The following ANO10 variants were observed in gnomAD, a reference collection of about 807,000 sequenced individuals.
ANO10 encodes anoctamin 10, also known as anoctamin-10.
In ANO10, 77 loss-of-function variants were observed where a neutral mutation model predicts 74.7. That is an observed-to-expected ratio of 1.03 (90% CI 0.86 to 1.25). The LOEUF is 1.25. Among genes scored for constraint, ANO10 ranks in the 50% most tolerant of loss-of-function variants. The pLI is 0.00. For missense variants in ANO10, 721 were observed against 778.1 expected, an observed-to-expected ratio of 0.93 and a Z score of 0.87; for synonymous variants, 279 against 284.9, an observed-to-expected ratio of 0.98 and a Z score of 0.21.
rs193240161 is a variant in ANO10 at position 43,371,609 on chromosome 3, C to T, written c.1915-4635G>A. 2.0e-5 allele frequency among the ~76,000 whole-genome samples: 3 copies of T among 152,278 alleles called. No homozygotes were observed. The South Asian group carries it at 6.2e-4, about 32-fold the overall frequency. On this transcript the variant is annotated intron_variant, in intron 12 of 12. Transcript: ENST00000292246. ...CAAGTCTCCCTGAGAAGGGGAATGG[C>T]GGGGAAGAAGGGAGGATCAACTTCG...
At chr3:43,541,620 A>T (rs991849315) in intron 11 of ANO10, among the ~76,000 whole-genome samples, 4 of 152,094 alleles carry the variant, frequency 2.6e-5, no homozygotes, top group Admixed American at 6.5e-5. Context: ...TACACTGAAT[A>T]AAAAAACTAT....
chr3:43,565,545 T>G, intron 8 of ANO10, 108 bp downstream of exon 8: 1 of 948,852 alleles, frequency 1.1e-6, no homozygotes, highest in South Asian at 1.6e-5. Context: ...ATACAAAATT[T>G]AAAAGATTTT....
At chr3:43,486,988 AATTT>A (rs1290560198) in intron 11 of ANO10, among the ~76,000 whole-genome samples, 1 of 129,386 alleles carries the variant, frequency 7.7e-6, no homozygotes, top group East Asian at 2.3e-4. Flanking sequence ...ATCAATACCT[AATTT>A]ATTGAGAGTT....
chr3:43,382,449 G>A (rs2091990992), intron 12 of ANO10, among the ~76,000 whole-genome samples: 2 of 151,402 alleles, frequency 1.3e-5, no homozygotes, highest in African/African-American at 2.4e-5. Flanking sequence ...AACCCGGGAG[G>A]CGGAGCTTGC....
chr3:43,630,308 T>C (rs2083533307), intron 1 of ANO10, among the ~76,000 whole-genome samples: 1 of 152,176 alleles, frequency 6.6e-6, no homozygotes, highest in Admixed American at 6.5e-5. Flanking sequence ...AATAAAGATA[T>C]TGAAACTGGA....
chr3:43,462,177 A>G (rs2075408060), intron 11 of ANO10, among the ~76,000 whole-genome samples: 1 of 152,198 alleles, frequency 6.6e-6, no homozygotes, highest in Admixed American at 6.5e-5. Flanking sequence ...GAAATTTCTA[A>G]GCAGCAAAGC....
chr3:43,520,931 GTTC>G (rs1340506640), intron 11 of ANO10, among the ~76,000 whole-genome samples: 3 of 151,928 alleles, frequency 2.0e-5, no homozygotes, highest in African/African-American at 4.8e-5. Context: ...ATGGAATTGT[GTTC>G]TTAATTTCAT....
intron 11 of ANO10, among the ~76,000 whole-genome samples, chr3:43,533,989 C>T (rs1305685766): frequency 6.6e-6 from 1 of 152,164 alleles, no homozygotes; most frequent in Non-Finnish European, 1.5e-5. Flanking sequence ...TTTATCTGCA[C>T]ATTAAATATG....
chr3:43,583,497 T>G (rs1282422895), intron 4 of ANO10, among the ~76,000 whole-genome samples: 2 of 152,226 alleles, frequency 1.3e-5, no homozygotes, highest in African/African-American at 4.8e-5. Flanking sequence ...TAGTTTACAG[T>G]AGGACCCTCC....
intron 4 of ANO10, among the ~76,000 whole-genome samples, chr3:43,590,510 T>C (rs991257322): frequency 6.6e-6 from 1 of 151,898 alleles, no homozygotes; most frequent in African/African-American, 2.4e-5. Context: ...CCAGAGAAGA[T>C]ACAGCATCAC....
Position 43,627,678 on chromosome 3 carries a change from C to T in ANO10, c.-11-21815G>A, listed in dbSNP as rs74351456. Among the ~76,000 whole-genome samples the T allele has an allele frequency of 4.4e-3, 671 of 152,276 alleles. 4 individuals carry two copies. Among genetic ancestry groups the T allele is most frequent in the African/African-American group, 0.015 (636 of 41,556 alleles). On this transcript the variant is annotated intron_variant, in intron 1 of 3. Coordinates refer to the ANO10 transcript ENST00000413397. Reference sequence around the variant, plus strand: ...GAGCCTGAAGTTGTTTTTAGGACTCCGACCTCTAATACCTCTTTACATAAA... The same window carrying T: ...GAGCCTGAAGTTGTTTTTAGGACTCTGACCTCTAATACCTCTTTACATAAA...
chr3:43,671,938 C>A (rs1015007139), intron 1 of ANO10, among the ~76,000 whole-genome samples: 2 of 152,138 alleles, frequency 1.3e-5, no homozygotes, highest in Non-Finnish European at 2.9e-5. Context: ...TACATACATT[C>A]ATCAGCACAG....
At chr3:43,600,681 A>G in intron 2 of ANO10, 100 bp from the exon 3 acceptor site, 3 of 1,030,908 alleles carry the variant, frequency 2.9e-6, no homozygotes, top group South Asian at 3.0e-5. Context: ...GGTAGAAGAA[A>G]AAGAAATTAT....
At chr3:43,494,643 A>C (rs2076850914) in intron 11 of ANO10, among the ~76,000 whole-genome samples, 1 of 152,208 alleles carries the variant, frequency 6.6e-6, no homozygotes, top group Non-Finnish European at 1.5e-5. Flanking sequence ...AGTAAGAACT[A>C]GTTAAAAATG....
At chr3:43,588,586 A>AT (rs2081583324) in intron 4 of ANO10, among the ~76,000 whole-genome samples, 1 of 150,768 alleles carries the variant, frequency 6.6e-6, no homozygotes, top group Non-Finnish European at 1.5e-5. Context: ...AAATCCTCAG[A>AT]TTAGAGTGCA....
intron 12 of ANO10, among the ~76,000 whole-genome samples, 171 bp downstream of exon 12, chr3:43,432,440 C>T (rs1278180086): frequency 1.3e-5 from 2 of 152,052 alleles, no homozygotes; most frequent in East Asian, 3.8e-4. Flanking sequence ...CTATTTGTTG[C>T]TCATATTGTT....
In ANO10 at chr3:43,600,514, T is replaced by A. The variant is rs750866985; in HGVS notation, c.207A>T (p.Leu69Phe). The A allele has an allele frequency of 2.5e-6, 4 of 1,613,624 alleles. No homozygotes were observed. Among genetic ancestry groups the A allele is most frequent in the Non-Finnish European group, 1.7e-6 (2 of 1,179,526 alleles). The change falls in exon 3 of 13, where the codon TTA becomes TTT. Residue 69 changes from leucine (L) to phenylalanine (F), a missense_variant. By Grantham distance (22) the Leu-to-Phe change is conservative. Coordinates refer to ENST00000292246, the MANE Select transcript of ANO10 (RefSeq NM_018075.5). Reference protein sequence around the residue: ...YEQETLENQNLYLVGASKIRM... With the variant: ...YEQETLENQNFYLVGASKIRM... ...TAATCTTGGAGGCACCAACAAGATA[T>A]AAGTTCTGATTTTCTAGTGTTTCTT...
chr3:43,473,029 ACTTTTAGC>A (rs1194571059), intron 11 of ANO10, among the ~76,000 whole-genome samples: 1 of 22,034 alleles, frequency 4.5e-5, no homozygotes, highest in Non-Finnish European at 2.4e-4. Flanking sequence ...TATTCACTGA[ACTTTTAGC>A]ATTTCTGTAT....
intron 1 of ANO10, among the ~76,000 whole-genome samples, chr3:43,679,298 G>A (rs564012840): frequency 9.2e-5 from 14 of 152,282 alleles, no homozygotes; most frequent in South Asian, 2.1e-4. Flanking sequence ...ATTATATCCC[G>A]TGCATGGCTC....
Sources: gnomAD v4.1 joint callset for allele counts (sites outside exome capture counted in the v4.1 genomes callset) on GRCh38, gnomAD v4.1.1 for gene constraint, MANE v1.5 for transcripts, NCBI Gene and HGNC (gene_info 2026-07-23, HGNC 2026-07-21) for gene names.